Variants in CCDC30 observed in about 807,000 individuals in gnomAD.
The protein encoded by CCDC30 is coiled-coil domain containing 30.
CCDC30 carries 70 observed loss-of-function variants against 100.2 expected under a neutral mutation model. That is an observed-to-expected ratio of 0.70 (90% CI 0.58 to 0.85). The LOEUF is 0.85. CCDC30 is among the 40% of genes least tolerant of loss of function. The pLI is 0.00. For synonymous variants in CCDC30, 233 were observed against 269.5 expected (o/e 0.86, Z 1.33); for missense variants, 652 against 771.2 (o/e 0.85, Z 1.83).
intron 1 of CCDC30, chr1:42,468,639 G>A (rs1022472962): frequency 6.6e-6 from 1 of 152,222 alleles, no homozygotes; most frequent in African/African-American, 2.4e-5. Flanking sequence ...ATGTGTTTCT[G>A]TTTCTTGCCA....
At chr1:42,505,474 G>A (rs938069287) in intron 6 of CCDC30, among the ~76,000 whole-genome samples, 3 of 152,106 alleles carry the variant, frequency 2.0e-5, no homozygotes, top group Admixed American at 6.5e-5. Context: ...TATAAGTTTT[G>A]GAGCATAATT....
intron 10 of CCDC30, among the ~76,000 whole-genome samples, chr1:42,601,054 C>CTAATA (rs1035537428): frequency 1.6e-4 from 24 of 152,240 alleles, no homozygotes; most frequent in African/African-American, 5.3e-4. Flanking sequence ...TGAGAACGGA[C>CTAATA]TAATACAGAC....
At chr1:42,487,888 T>G (rs1644076173) in intron 3 of CCDC30, among the ~76,000 whole-genome samples, 1 of 152,154 alleles carries the variant, frequency 6.6e-6, no homozygotes, top group African/African-American at 2.4e-5. Context: ...TGTAAGACTT[T>G]GATCACAGAA....
chr1:42,603,422 G>A (rs1360091326), intron 10 of CCDC30, among the ~76,000 whole-genome samples: 3 of 152,096 alleles, frequency 2.0e-5, no homozygotes, highest in Non-Finnish European at 4.4e-5. Context: ...AATTTTGGAG[G>A]GAACACCATC....
exon 1 of CCDC30, chr1:42,463,364 C>G (rs776534901): frequency 9.9e-5 from 15 of 152,202 alleles, no homozygotes; most frequent in Non-Finnish European, 1.9e-4. Context: ...GGGACGCTCG[C>G]GGCACCCTCC....
chr1:42,544,175 G>A (rs1326043249), intron 6 of CCDC30, among the ~76,000 whole-genome samples: 1 of 152,178 alleles, frequency 6.6e-6, no homozygotes, highest in African/African-American at 2.4e-5. Flanking sequence ...TTACAGGCAT[G>A]AGCCACTGCG....
At chr1:42,557,899 A>G (rs1645405446) in intron 6 of CCDC30, among the ~76,000 whole-genome samples, 1 of 151,924 alleles carries the variant, frequency 6.6e-6, no homozygotes, top group South Asian at 2.1e-4. Context: ...AAGACTAAGA[A>G]AGGGTAATTG....
rs147011160 is a variant in CCDC30 at position 42,613,724 on chromosome 1, G to A, written c.1277+2634G>A. Among the ~76,000 whole-genome samples, 25 of 152,282 alleles carry A rather than the reference G, an allele frequency of 1.6e-4. No homozygotes were observed. The East Asian group carries it at 4.8e-3, about 29-fold the overall frequency. ...TAATACATTATAATTAGCATATAAT[G>A]GGGAGTGAGGACGACCAGAGGTCAC... is the stretch of plus-strand genomic sequence containing the variant. On this transcript the variant is annotated intron_variant, in intron 11 of 16. Coordinates refer to ENST00000668663, the Ensembl canonical transcript of CCDC30.
At chr1:42,543,297 T>C in intron 6 of CCDC30, among the ~76,000 whole-genome samples, 1 of 148,560 alleles carries the variant, frequency 6.7e-6, no homozygotes, top group Non-Finnish European at 1.5e-5. Context: ...TTCCCCTCCT[T>C]CCCTCCCTCC....
intron 6 of CCDC30, among the ~76,000 whole-genome samples, chr1:42,540,290 G>T (rs1644986393): frequency 6.6e-6 from 1 of 152,156 alleles, no homozygotes; most frequent in Non-Finnish European, 1.5e-5. Context: ...AGAACATAGG[G>T]TTTGCTGCCT....
intron 10 of CCDC30, among the ~76,000 whole-genome samples, chr1:42,608,671 C>G (rs1404279147): frequency 1.3e-5 from 2 of 148,746 alleles, no homozygotes; most frequent in Non-Finnish European, 3.0e-5. Flanking sequence ...CGCCACTGCC[C>G]TCCAGCCTGG....
intron 6 of CCDC30, among the ~76,000 whole-genome samples, chr1:42,543,449 G>A (rs1260044302): frequency 6.6e-6 from 1 of 151,688 alleles, no homozygotes; most frequent in Non-Finnish European, 1.5e-5. Context: ...AGCCATCCGA[G>A]TAACTGGGGT....
rs1643982686 is a variant in CCDC30 at position 42,482,745 on chromosome 1, G to A, written c.98G>A (p.Gly33Glu). ...ATGGAACAAGTAGCAAAGAAGTTAG[G>A]GGTGGCTCATGAAGAGATTCAAAGG... The change falls in exon 3 of 17, where the codon GGG (glycine) becomes GAG (glutamate). Residue 33 changes from glycine to glutamate, a missense_variant. Gly to Glu is a moderately conservative substitution (Grantham distance 98). Transcript: ENST00000668663. 3.2e-6 allele frequency: 4 copies of A among 1,233,970 alleles called. No homozygotes were observed. The East Asian group carries it at 1.3e-4, about 39-fold the overall frequency. 76.4% of individuals were successfully genotyped at this position (1,233,970 alleles called of 1,614,324 possible).
At chr1:42,460,599 TA>T (rs1247516532), upstream of CCDC30, among the ~76,000 whole-genome samples, 1 of 152,224 alleles carries the variant, frequency 6.6e-6, no homozygotes, top group East Asian at 1.9e-4. Context: ...CAGTTTAACT[TA>T]ATATGTCCTT....
At chr1:42,654,087 G>A in exon 17 of CCDC30, 1 of 1,240,284 alleles carries the variant, frequency 8.1e-7, no homozygotes, top group Middle Eastern at 2.0e-4. Flanking sequence ...CTGGACAAAA[G>A]GTGGACCATG....
At chr1:42,608,923 T>G (rs1331209676) in intron 10 of CCDC30, among the ~76,000 whole-genome samples, 1 of 152,080 alleles carries the variant, frequency 6.6e-6, no homozygotes, top group Non-Finnish European at 1.5e-5. Flanking sequence ...ATTCCAAATA[T>G]TCAAGACTGC....
intron 6 of CCDC30, among the ~76,000 whole-genome samples, chr1:42,545,882 T>A (rs1645120332): frequency 6.6e-6 from 1 of 151,530 alleles, no homozygotes; most frequent in South Asian, 2.1e-4. Context: ...AGGTGGAGGT[T>A]GTAGTGCGCC....
intron 6 of CCDC30, among the ~76,000 whole-genome samples, chr1:42,542,539 C>CTTT (rs58751072): frequency 3.2e-4 from 24 of 75,574 alleles, no homozygotes; most frequent in African/African-American, 3.2e-4. Flanking sequence ...TTAAATTTTT[C>CTTT]TTTTTTTTTT....
intron 11 of CCDC30, among the ~76,000 whole-genome samples, chr1:42,627,749 GT>G: frequency 6.6e-6 from 1 of 152,208 alleles, no homozygotes. Context: ...GTGGTGTTGA[GT>G]TTGTGGGTGC....
Sources: gnomAD v4.1 joint callset for allele counts (sites outside exome capture counted in the v4.1 genomes callset) on GRCh38, gnomAD v4.1.1 for gene constraint, MANE v1.5 for transcripts, NCBI Gene and HGNC (gene_info 2026-07-23, HGNC 2026-07-21) for gene names.